Variants in UVRAG observed in about 807,000 individuals in gnomAD.
UVRAG encodes the protein UV radiation resistance-associated gene protein.
Under a neutral mutation model 78.0 loss-of-function variants are expected in UVRAG, and 19 were observed. The observed-to-expected ratio is 0.24, with a 90% confidence interval of 0.17 to 0.36. The LOEUF (loss-of-function observed/expected upper bound fraction) is 0.36, where lower values mean the gene tolerates loss of function less well. Ranked by LOEUF, UVRAG falls within the 10% of genes least tolerant of loss-of-function variation. The probability of loss-of-function intolerance (pLI) is 1.00; values close to 1 mark genes in which losing one functional copy is unlikely to be tolerated. For missense variants in UVRAG, 740 were observed against 853.8 expected (o/e 0.87, Z 1.66); for synonymous variants, 323 against 324.6 (o/e 1.00, Z 0.05).
At chr11:75,930,723 G>C (rs115522056) in intron 6 of UVRAG, 3 of 152,164 alleles carry the variant, frequency 2.0e-5, no homozygotes, top group Admixed American at 6.5e-5. Flanking sequence ...AGAAGTTGTC[G>C]TGTGGAATTA....
chr11:75,844,176 T>TA (rs1945981219), intron 1 of UVRAG, among the ~76,000 whole-genome samples: 2 of 151,948 alleles, frequency 1.3e-5, no homozygotes, highest in African/African-American at 2.4e-5. Flanking sequence ...AAAAACAAAA[T>TA]AAAAAAGTTG....
At chr11:75,824,863 T>C (rs60032678) in intron 1 of UVRAG, among the ~76,000 whole-genome samples, 4,575 of 151,776 alleles carry the variant, frequency 0.03, 232 homozygotes, top group African/African-American at 0.1. Flanking sequence ...TTAGTAGAGA[T>C]GGGGTTTCAC....
intron 1 of UVRAG, among the ~76,000 whole-genome samples, chr11:75,825,272 C>G (rs892291816): frequency 2.6e-5 from 4 of 152,010 alleles, no homozygotes; most frequent in African/African-American, 9.7e-5. Context: ...CACCACCCCA[C>G]CTGGCTAATT....
chr11:76,012,383 T>TA (rs1950066219), intron 11 of UVRAG, among the ~76,000 whole-genome samples: 1 of 151,910 alleles, frequency 6.6e-6, no homozygotes, highest in Non-Finnish European at 1.5e-5. Flanking sequence ...CAAGGAGTCA[T>TA]ATTAAACAGT....
At chr11:75,921,195 C>G (rs1013259536) in intron 6 of UVRAG, among the ~76,000 whole-genome samples, 2 of 152,164 alleles carry the variant, frequency 1.3e-5, no homozygotes, top group Non-Finnish European at 2.9e-5. Context: ...TGGCATTACT[C>G]CTTACCCTGA....
At chr11:75,946,564 A>T (rs569679035) in intron 6 of UVRAG, among the ~76,000 whole-genome samples, 47 of 152,310 alleles carry the variant, frequency 3.1e-4, no homozygotes, top group Admixed American at 2.6e-4. Flanking sequence ...TGAGGCTGAA[A>T]TCAGTGTCAG....
intron 14 of UVRAG, among the ~76,000 whole-genome samples, chr11:76,120,707 C>T (rs1440592878): frequency 6.6e-6 from 1 of 152,118 alleles, no homozygotes; most frequent in Non-Finnish European, 1.5e-5. Flanking sequence ...CAAAGCACTG[C>T]AAAATGAATG....
intron 13 of UVRAG, among the ~76,000 whole-genome samples, chr11:76,079,182 C>A (rs932273443): frequency 3.3e-5 from 5 of 152,080 alleles, no homozygotes; most frequent in Non-Finnish European, 7.4e-5. Context: ...ACAGCATGAT[C>A]AAAAAGGTTT....
chr11:75,949,796 T>C (rs983818756), intron 6 of UVRAG, among the ~76,000 whole-genome samples: 3 of 147,286 alleles, frequency 2.0e-5, no homozygotes, highest in African/African-American at 7.8e-5. Flanking sequence ...CACACACACA[T>C]ATACACACAG....
At chr11:75,932,535 C>T (rs895503066) in intron 6 of UVRAG, among the ~76,000 whole-genome samples, 10 of 152,080 alleles carry the variant, frequency 6.6e-5, no homozygotes, top group Admixed American at 4.6e-4. Context: ...CTGCCCGCCT[C>T]GGCCTCCCAA....
intron 14 of UVRAG, among the ~76,000 whole-genome samples, chr11:76,117,975 A>G (rs1952213887): frequency 6.6e-6 from 1 of 152,234 alleles, no homozygotes; most frequent in Non-Finnish European, 1.5e-5. Context: ...AATATCTGTT[A>G]GGGAAGGCTC....
At chr11:75,893,699 TAGCC>T (rs1947276010) in intron 5 of UVRAG, among the ~76,000 whole-genome samples, 1 of 130,858 alleles carries the variant, frequency 7.6e-6, no homozygotes, top group Admixed American at 7.5e-5. Context: ...AAAAAAAAAT[TAGCC>T]AGGCATGGTA....
chr11:76,078,271 G>A (rs1051482667), intron 13 of UVRAG, among the ~76,000 whole-genome samples: 8 of 152,134 alleles, frequency 5.3e-5, no homozygotes, highest in Admixed American at 6.5e-5. Context: ...GGGGAAGGTA[G>A]CACAGTAGAT....
chr11:76,052,136 T>A (rs1334723161), intron 12 of UVRAG, among the ~76,000 whole-genome samples: 1 of 152,240 alleles, frequency 6.6e-6, no homozygotes, highest in African/African-American at 2.4e-5. Context: ...ATATGAGCAC[T>A]ATCTGTCTAA....
chr11:76,030,552 A>G (rs1056798244), intron 12 of UVRAG, among the ~76,000 whole-genome samples: 1 of 152,036 alleles, frequency 6.6e-6, no homozygotes, highest in Non-Finnish European at 1.5e-5. Flanking sequence ...CTGGCCCACT[A>G]TTTACTTTTT....
chr11:75,944,174 C>T (rs1466363039), intron 6 of UVRAG, among the ~76,000 whole-genome samples: 1 of 152,096 alleles, frequency 6.6e-6, no homozygotes, highest in Non-Finnish European at 1.5e-5. Context: ...TTCCCAATAC[C>T]CTAAACAGCA....
chr11:75,817,328 A>G (rs1020933279), intron 1 of UVRAG, among the ~76,000 whole-genome samples: 2 of 152,216 alleles, frequency 1.3e-5, no homozygotes, highest in Non-Finnish European at 2.9e-5. Flanking sequence ...CATGGAGCCT[A>G]TTCTCTGATA....
intron 1 of UVRAG, among the ~76,000 whole-genome samples, chr11:75,849,088 G>A (rs1286081426): frequency 6.6e-6 from 1 of 152,182 alleles, no homozygotes; most frequent in Non-Finnish European, 1.5e-5. Context: ...TGAGACAGGA[G>A]AATCACTTGA....
At chr11:75,931,973 A>G (rs1948249941) in intron 6 of UVRAG, among the ~76,000 whole-genome samples, 1 of 152,210 alleles carries the variant, frequency 6.6e-6, no homozygotes, top group African/African-American at 2.4e-5. Flanking sequence ...GAAATGTGCT[A>G]ACACTGGAAG....
Sources: gnomAD v4.1 joint callset for allele counts (sites outside exome capture counted in the v4.1 genomes callset) on GRCh38, gnomAD v4.1.1 for gene constraint, MANE v1.5 for transcripts, NCBI Gene and HGNC (gene_info 2026-07-23, HGNC 2026-07-21) for gene names.